The following PDIA5 variants were observed in gnomAD, a reference collection of about 807,000 sequenced individuals.
PDIA5 encodes the protein protein disulfide-isomerase A5.
A neutral mutation model predicts 77.6 loss-of-function variants in PDIA5; 58 were observed. The ratio of observed to expected loss-of-function variants is 0.75; its 90% CI spans 0.61 to 0.93. The LOEUF (loss-of-function observed/expected upper bound fraction) is 0.93. Ranked by LOEUF, PDIA5 falls within the 40% of genes least tolerant of loss-of-function variation. PDIA5 has a pLI of 0.00. For synonymous variants in PDIA5, 250 were observed against 252.1 expected (o/e 0.99, Z 0.08); for missense variants, 630 against 647.7 (o/e 0.97, Z 0.30).
chr3:123,161,681 C>G, intron 16 of PDIA5, 199 bp from the exon 17 acceptor site: 1 of 648,070 alleles, frequency 1.5e-6, no homozygotes, highest in Admixed American at 3.0e-5. Flanking sequence ...GGCTGGACTC[C>G]AGATGCCGAG....
Position 123,152,585 on chromosome 3 carries a change from C to T in PDIA5, c.1273+2221C>T, listed in dbSNP as rs148227897. ...TATATACTTTTTATATATGAAGGATCTAAACACTACAGAAATGTCAAATAG... is the reference window on the plus strand; with the variant it reads ...TATATACTTTTTATATATGAAGGATTTAAACACTACAGAAATGTCAAATAG... On this transcript the variant is annotated intron_variant, in intron 14 of 16. Coordinates refer to ENST00000316218, the MANE Select transcript of PDIA5 (RefSeq NM_006810.4). Among the ~76,000 whole-genome samples, 397 of 152,208 alleles carry T rather than the reference C, an allele frequency of 2.6e-3. 2 individuals carry two copies. The highest frequency in any genetic ancestry group is 9.3e-3 in the African/African-American group (388 of 41,508).
intron 11 of PDIA5, among the ~76,000 whole-genome samples, chr3:123,142,888 AC>A (rs1245039683): frequency 6.6e-6 from 1 of 152,082 alleles, no homozygotes; most frequent in Admixed American, 6.5e-5. Flanking sequence ...TCTGTCTCTA[AC>A]TTGCCCACAT....
At chr3:123,158,893 T>G (rs1002424462) in intron 15 of PDIA5, among the ~76,000 whole-genome samples, 1 of 152,228 alleles carries the variant, frequency 6.6e-6, no homozygotes, top group Non-Finnish European at 1.5e-5. Context: ...CTTTATTCGC[T>G]GCCTTCTTTC....
At chr3:123,070,594 G>A (rs961384666) in intron 1 of PDIA5, among the ~76,000 whole-genome samples, 16 of 152,156 alleles carry the variant, frequency 1.1e-4, no homozygotes, top group Non-Finnish European at 2.1e-4. Context: ...TATGGGTGGC[G>A]GTGCCCTCCC....
intron 10 of PDIA5, among the ~76,000 whole-genome samples, chr3:123,127,156 C>G (rs187809547): frequency 5.9e-4 from 90 of 152,324 alleles, no homozygotes; most frequent in African/African-American, 1.8e-3. Flanking sequence ...TCATCTATGG[C>G]ACATGCATCT....
intron 11 of PDIA5, among the ~76,000 whole-genome samples, chr3:123,132,856 C>T (rs1469625862): frequency 6.6e-6 from 1 of 152,154 alleles, no homozygotes; most frequent in Non-Finnish European, 1.5e-5. Context: ...TCTGTCCTTC[C>T]AGTTAGGGTT....
chr3:123,076,643 A>C (rs1933866180), intron 1 of PDIA5, among the ~76,000 whole-genome samples: 1 of 152,224 alleles, frequency 6.6e-6, no homozygotes, highest in South Asian at 2.1e-4. Context: ...GGTCATGAAC[A>C]CTGAGTTGTT....
intron 11 of PDIA5, among the ~76,000 whole-genome samples, chr3:123,135,422 G>A (rs836833): frequency 0.18 from 27,946 of 152,034 alleles, 2,578 homozygotes; most frequent in Middle Eastern, 0.26. Context: ...CTTCTTGGGG[G>A]CCACGTGGCT....
chr3:123,124,432 T>C (rs1935196386), intron 10 of PDIA5, 89 bp downstream of exon 10: 3 of 924,890 alleles, frequency 3.2e-6, no homozygotes, highest in Admixed American at 3.4e-5. Flanking sequence ...TGGCTGGAGG[T>C]TGGGGGAAAG....
chr3:123,133,408 A>T (rs1935416510), intron 11 of PDIA5, among the ~76,000 whole-genome samples: 1 of 152,238 alleles, frequency 6.6e-6, no homozygotes, highest in Non-Finnish European at 1.5e-5. Context: ...GGGATCCATC[A>T]ACATAGCAGA....
At chr3:123,111,079 G>T in intron 7 of PDIA5, 75 bp downstream of exon 7, 1 of 1,035,896 alleles carries the variant, frequency 9.7e-7, no homozygotes. Context: ...TGGGGGTTGC[G>T]GGCGGGGTCT....
At chr3:123,124,937 T>C (rs939100051) in intron 10 of PDIA5, among the ~76,000 whole-genome samples, 3 of 152,316 alleles carry the variant, frequency 2.0e-5, no homozygotes, top group African/African-American at 4.8e-5. Context: ...CATTGCTTCA[T>C]TGCAACCTGT....
At position 123,161,399 on chromosome 3, in the gene PDIA5, A is replaced by G. The variant is rs1393707315; in HGVS notation, c.1423A>G (p.Thr475Ala). The G allele has an allele frequency of 1.4e-5, 22 of 1,614,174 alleles. No homozygotes were observed. The East Asian group carries it at 4.9e-4, about 36-fold the overall frequency. The change falls in exon 16 of 17, where the codon ACT (threonine) becomes GCT (alanine). Residue 475 changes from threonine to alanine, a missense_variant. Physicochemically the swap from Thr to Ala is moderately conservative, Grantham distance 58. Transcript: ENST00000316218. ...CQQEAVKGYP[T>A]FHYYHYGKFA... Reference sequence around the variant, plus strand: ...GCAGGAGGCGGTCAAGGGCTACCCCACTTTCCACTACTACCACTATGGGAA... The same window carrying G: ...GCAGGAGGCGGTCAAGGGCTACCCCGCTTTCCACTACTACCACTATGGGAA...
intron 3 of PDIA5, among the ~76,000 whole-genome samples, chr3:123,097,836 C>T (rs1301746143): frequency 6.6e-6 from 1 of 152,162 alleles, no homozygotes; most frequent in Non-Finnish European, 1.5e-5. Flanking sequence ...AGAGTTATCC[C>T]TTCTTTGATG....
chr3:123,075,491 G>A (rs1933830665), intron 1 of PDIA5, among the ~76,000 whole-genome samples: 1 of 152,222 alleles, frequency 6.6e-6, no homozygotes, highest in African/African-American at 2.4e-5. Flanking sequence ...GGCCAAACAA[G>A]ATGAGAACTG....
rs1275992768 is a variant in PDIA5, at chr3:123,150,539, C to G, written c.1273+175C>G. 2.6e-5 allele frequency among the ~76,000 whole-genome samples: 4 copies of G among 152,150 alleles called. No individual in the cohort carries two copies. The South Asian group carries it at 8.3e-4, about 32-fold the overall frequency. ...TTCCAGGCTAAGAGGTCCTTCAAAT[C>G]CAGGGCCTCCTTTTGTCAGACTCGT... On this transcript the variant is annotated intron_variant, in intron 14 of 16. Transcript: ENST00000316218.
intron 3 of PDIA5, among the ~76,000 whole-genome samples, chr3:123,097,407 A>G (rs1934471068): frequency 6.6e-6 from 1 of 151,782 alleles, no homozygotes; most frequent in Non-Finnish European, 1.5e-5. Context: ...TTTTCCCGCC[A>G]CTCTTACTAA....
At chr3:123,141,938 G>A (rs987089006) in intron 11 of PDIA5, among the ~76,000 whole-genome samples, 12 of 152,116 alleles carry the variant, frequency 7.9e-5, no homozygotes, top group Admixed American at 2.6e-4. Context: ...CTTGGAGTCC[G>A]GTGGTCTCCT....
At chr3:123,083,417 A>T (rs1303573001) in intron 1 of PDIA5, among the ~76,000 whole-genome samples, 3 of 152,186 alleles carry the variant, frequency 2.0e-5, no homozygotes, top group African/African-American at 7.2e-5. Context: ...GTCTCAGCCC[A>T]GCCAGCGGGG....
Sources: gnomAD v4.1 joint callset for allele counts (sites outside exome capture counted in the v4.1 genomes callset) on GRCh38, gnomAD v4.1.1 for gene constraint, MANE v1.5 for transcripts, NCBI Gene and HGNC (gene_info 2026-07-23, HGNC 2026-07-21) for gene names.